Variants in NKAIN2 observed in about 807,000 individuals in gnomAD.
The protein encoded by NKAIN2 is sodium/potassium-transporting ATPase subunit beta-1-interacting protein 2.
NKAIN2 carries 14 observed loss-of-function variants against 32.6 expected under a neutral mutation model. The ratio of observed to expected loss-of-function variants is 0.43; its 90% CI spans 0.28 to 0.67. The LOEUF is 0.67. Ranked by LOEUF, NKAIN2 falls within the 30% of genes least tolerant of loss-of-function variation. The pLI is 0.17. For missense variants in NKAIN2, 198 were observed against 258.3 expected (o/e 0.77, Z 1.60); for synonymous variants, 80 against 87.2 (o/e 0.92, Z 0.46).
At chr6:123,943,146 A>G (rs964769212) in intron 1 of NKAIN2, among the ~76,000 whole-genome samples, 22 of 152,048 alleles carry the variant, frequency 1.4e-4, no homozygotes, top group Admixed American at 1.3e-4. Context: ...CAGTTGATAA[A>G]CTATTATAAT....
chr6:124,410,648 G>A (rs1004372885), intron 3 of NKAIN2, among the ~76,000 whole-genome samples: 6 of 152,272 alleles, frequency 3.9e-5, no homozygotes, highest in South Asian at 2.1e-4. Context: ...CATGTGGTGT[G>A]GTGCTGAAAA....
At chr6:124,172,054 C>T (rs747654478) in intron 1 of NKAIN2, among the ~76,000 whole-genome samples, 2 of 152,064 alleles carry the variant, frequency 1.3e-5, no homozygotes, top group Non-Finnish European at 2.9e-5. Context: ...CCTCGTGATC[C>T]GTCCGCCTCG....
At chr6:124,321,662 C>G (rs1310099617) in intron 2 of NKAIN2, among the ~76,000 whole-genome samples, 1 of 151,976 alleles carries the variant, frequency 6.6e-6, no homozygotes, top group Non-Finnish European at 1.5e-5. Context: ...CAGGATATAC[C>G]ATGTCATATT....
At chr6:124,392,372 C>T (rs972338407) in intron 3 of NKAIN2, among the ~76,000 whole-genome samples, 4 of 152,052 alleles carry the variant, frequency 2.6e-5, no homozygotes, top group Non-Finnish European at 4.4e-5. Context: ...TCCTTTGTGA[C>T]GTTTTTCACT....
chr6:124,710,808 T>A (rs1320610939), intron 4 of NKAIN2, among the ~76,000 whole-genome samples: 7 of 149,182 alleles, frequency 4.7e-5, no homozygotes, highest in African/African-American at 4.9e-5. Context: ...TGTCTTTTAA[T>A]TGGAGCATTT....
intron 3 of NKAIN2, among the ~76,000 whole-genome samples, chr6:124,639,625 C>A (rs1783910579): frequency 6.6e-6 from 1 of 151,590 alleles, no homozygotes; most frequent in African/African-American, 2.4e-5. Context: ...CAGAGTGAGA[C>A]TCCGTAAAGA....
intron 1 of NKAIN2, among the ~76,000 whole-genome samples, chr6:123,946,913 A>C (rs1482689530): frequency 6.6e-6 from 1 of 152,182 alleles, no homozygotes; most frequent in African/African-American, 2.4e-5. Context: ...ATTGATTGGC[A>C]GTCCCTCCCT....
At chr6:124,716,556 A>C (rs1324119384) in intron 4 of NKAIN2, among the ~76,000 whole-genome samples, 2 of 152,194 alleles carry the variant, frequency 1.3e-5, no homozygotes, top group Non-Finnish European at 2.9e-5. Context: ...TTAGAAGCCT[A>C]CAGTGGCTCC....
intron 4 of NKAIN2, among the ~76,000 whole-genome samples, chr6:124,682,963 G>A (rs546959832): frequency 4.1e-4 from 62 of 152,242 alleles, no homozygotes; most frequent in African/African-American, 1.5e-3. Flanking sequence ...TTCCGAAGTC[G>A]TGGGCAGTGA....
chr6:124,322,027 C>A (rs192826624), intron 2 of NKAIN2, among the ~76,000 whole-genome samples: 9 of 152,168 alleles, frequency 5.9e-5, no homozygotes, highest in Middle Eastern at 3.4e-3. Flanking sequence ...CTGCAATACT[C>A]GAAACATAGC....
At chr6:124,464,874 T>A (rs1776680267) in intron 3 of NKAIN2, among the ~76,000 whole-genome samples, 1 of 152,142 alleles carries the variant, frequency 6.6e-6, no homozygotes, top group Non-Finnish European at 1.5e-5. Flanking sequence ...ATATGAAATT[T>A]AAAGTAGTTT....
At chr6:124,134,173 A>G (rs1470105886) in intron 1 of NKAIN2, among the ~76,000 whole-genome samples, 5 of 152,044 alleles carry the variant, frequency 3.3e-5, no homozygotes, top group Admixed American at 1.3e-4. Context: ...AGAGAAACAG[A>G]TATCATTGCT....
intron 3 of NKAIN2, among the ~76,000 whole-genome samples, chr6:124,422,563 C>A (rs985503230): frequency 2.6e-5 from 4 of 152,084 alleles, no homozygotes; most frequent in African/African-American, 7.2e-5. Flanking sequence ...GAGATTACCA[C>A]ACTCAAATTT....
At chr6:123,991,900 T>A (rs759782071) in intron 1 of NKAIN2, among the ~76,000 whole-genome samples, 6 of 151,932 alleles carry the variant, frequency 3.9e-5, no homozygotes, top group African/African-American at 1.2e-4. Flanking sequence ...ATATATATAT[T>A]TTAAGGACAT....
intron 2 of NKAIN2, among the ~76,000 whole-genome samples, chr6:124,298,622 T>C (rs1796162906): frequency 6.6e-6 from 1 of 152,178 alleles, no homozygotes; most frequent in Non-Finnish European, 1.5e-5. Flanking sequence ...CCACACACAT[T>C]CATCTGGGAT....
At chr6:124,022,918 C>T (rs975251291) in intron 1 of NKAIN2, among the ~76,000 whole-genome samples, 3 of 151,924 alleles carry the variant, frequency 2.0e-5, no homozygotes, top group Non-Finnish European at 4.4e-5. Flanking sequence ...TATTATTACA[C>T]TTGTTGCAGC....
At chr6:124,173,824 T>G (rs1789020991) in intron 1 of NKAIN2, among the ~76,000 whole-genome samples, 1 of 152,254 alleles carries the variant, frequency 6.6e-6, no homozygotes, top group African/African-American at 2.4e-5. Context: ...AGATTGATAC[T>G]TAGTGGATGG....
chr6:124,822,880 G>A (rs1453109425), intron 6 of NKAIN2, among the ~76,000 whole-genome samples: 1 of 152,052 alleles, frequency 6.6e-6, no homozygotes, highest in Non-Finnish European at 1.5e-5. Context: ...AGCAAGTAGA[G>A]ATCTGATTGG....
At chr6:124,105,369 G>A (rs1048289628) in intron 1 of NKAIN2, among the ~76,000 whole-genome samples, 6 of 152,150 alleles carry the variant, frequency 3.9e-5, no homozygotes, top group Non-Finnish European at 8.8e-5. Flanking sequence ...GAGTCCGGGT[G>A]TAGTTATAAG....
Sources: allele counts gnomAD v4.1 joint callset (sites outside exome capture counted in the v4.1 genomes callset), GRCh38; gene constraint gnomAD v4.1.1; transcripts MANE v1.5; gene names NCBI Gene and HGNC (gene_info 2026-07-23, HGNC 2026-07-21).